RARB: variants seen among roughly 807,000 people sequenced by gnomAD.
RARB encodes HBV-activated protein.
Under a neutral mutation model 51.9 loss-of-function variants are expected in RARB, and 17 were observed. The ratio of observed to expected loss-of-function variants is 0.33; its 90% CI spans 0.22 to 0.49. RARB has a LOEUF of 0.49. RARB is among the 20% of genes least tolerant of loss of function. The pLI is 0.99. For missense variants in RARB, 369 were observed against 550.8 expected, an observed-to-expected ratio of 0.67 and a Z score of 3.30; for synonymous variants, 215 against 195.4, an observed-to-expected ratio of 1.10 and a Z score of -0.84.
At chr3:24,995,159 T>A (rs1404104104) in intron 2 of RARB, among the ~76,000 whole-genome samples, 1 of 152,056 alleles carries the variant, frequency 6.6e-6, no homozygotes, top group African/African-American at 2.4e-5. Flanking sequence ...TCCTCTTCAG[T>A]TTATTTCATC....
intron 2 of RARB, among the ~76,000 whole-genome samples, chr3:24,962,801 T>C (rs1696170604): frequency 6.6e-6 from 1 of 152,244 alleles, no homozygotes; most frequent in African/African-American, 2.4e-5. Flanking sequence ...CTAAATGATA[T>C]AAATGAGTAC....
At chr3:24,942,336 A>T (rs73820332) in intron 2 of RARB, among the ~76,000 whole-genome samples, 3,603 of 152,324 alleles carry the variant, frequency 0.024, 142 homozygotes, top group African/African-American at 0.079. Context: ...TAATTATAAA[A>T]GTATCAAATC....
chr3:25,344,419 A>G (rs1166362837), intron 5 of RARB, among the ~76,000 whole-genome samples: 1 of 152,200 alleles, frequency 6.6e-6, no homozygotes, highest in Non-Finnish European at 1.5e-5. Context: ...TGAGCTAATT[A>G]ACAAAATAAC....
intron 2 of RARB, among the ~76,000 whole-genome samples, chr3:25,496,952 T>C (rs1042425347): frequency 1.3e-5 from 2 of 152,340 alleles, no homozygotes; most frequent in Middle Eastern, 3.4e-3. Context: ...TGGCACAATC[T>C]CAGCTCACTG....
chr3:25,191,538 G>T (rs566818785), intron 5 of RARB, among the ~76,000 whole-genome samples: 9 of 152,100 alleles, frequency 5.9e-5, no homozygotes, highest in African/African-American at 2.4e-5. Flanking sequence ...AAAATGGACA[G>T]CTATGAATTT....
At chr3:24,877,214 ATAGT>A (rs1703063319) in intron 2 of RARB, among the ~76,000 whole-genome samples, 1 of 152,048 alleles carries the variant, frequency 6.6e-6, no homozygotes, top group South Asian at 2.1e-4. Flanking sequence ...TGATTCATAG[ATAGT>A]ATCTCACTTC....
intron 2 of RARB, among the ~76,000 whole-genome samples, chr3:24,916,182 A>C (rs562366197): frequency 9.2e-5 from 14 of 152,332 alleles, no homozygotes; most frequent in Admixed American, 2.0e-4. Flanking sequence ...GCAGTAGGAC[A>C]CAGTGAAAGC....
chr3:25,119,055 T>A (rs1699736938), intron 3 of RARB, among the ~76,000 whole-genome samples: 1 of 152,180 alleles, frequency 6.6e-6, no homozygotes, highest in South Asian at 2.1e-4. Flanking sequence ...TTTACCAATA[T>A]CCCAGGATGT....
intron 2 of RARB, among the ~76,000 whole-genome samples, chr3:25,051,906 T>C (rs1698341216): frequency 6.6e-6 from 1 of 152,164 alleles, no homozygotes; most frequent in African/African-American, 2.4e-5. Flanking sequence ...GAAAAGACTT[T>C]CTCACAAAAG....
intron 2 of RARB, among the ~76,000 whole-genome samples, chr3:25,468,757 C>T (rs1444282984): frequency 6.6e-6 from 1 of 152,176 alleles, no homozygotes; most frequent in African/African-American, 2.4e-5. Context: ...GAAGCGCTTA[C>T]AAGGCAGTCA....
chr3:24,864,525 C>G (rs1311717388), intron 2 of RARB, among the ~76,000 whole-genome samples: 2 of 152,228 alleles, frequency 1.3e-5, no homozygotes, highest in Non-Finnish European at 1.5e-5. Context: ...CCTTCGAGTT[C>G]CAGAACCAGG....
chr3:25,050,553 C>A (rs566240675), intron 2 of RARB, among the ~76,000 whole-genome samples: 59 of 152,304 alleles, frequency 3.9e-4, no homozygotes, highest in African/African-American at 1.4e-3. Context: ...TTTAACACTA[C>A]TCCACCCTTT....
rs1701927165 is a variant in RARB, at chr3:25,597,722, T to TG, written c.*1108dup. 6.6e-6 allele frequency: 1 copy of TG among 152,518 alleles called. No homozygotes were observed. Among genetic ancestry groups the TG allele is most frequent in the South Asian group, 2.1e-4 (1 of 4,826 alleles). 9.4% of individuals were successfully genotyped at this position (152,518 alleles called of 1,614,324 possible). ...AAGCAGAGTGAAAGCTGTGGTAGAG[T>TG]GGTTAACAGATACAAGTGTCAGTTT... is the stretch of plus-strand genomic sequence containing the variant. On this transcript the variant is annotated 3_prime_UTR_variant, in exon 8 of 8. Coordinates refer to ENST00000330688, the MANE Select transcript of RARB (RefSeq NM_000965.5).
At chr3:25,551,672 A>G (rs1699857001) in intron 3 of RARB, among the ~76,000 whole-genome samples, 2 of 152,166 alleles carry the variant, frequency 1.3e-5, no homozygotes. Context: ...TCTCCTGGAT[A>G]TATGTCCTTA....
Position 24,830,657 on chromosome 3 carries a change from A to G in RARB, c.-459+1254A>G, listed in dbSNP as rs899315652. 2.1e-5 allele frequency among the ~76,000 whole-genome samples: 3 copies of G among 142,996 alleles called. No homozygotes were observed. In the South Asian group the frequency reaches 6.9e-4, roughly 33 times the overall value. The allele number at this position is 142,996 out of a possible 152,430, so 93.8% of individuals were successfully genotyped here. ...GACCCTTCCAGGACCAGGCGGCCAG[A>G]GTGTGGGGTGTGTGTGTGTGTGTGT... On this transcript the variant is annotated intron_variant, in intron 1 of 11. Transcript: ENST00000383772.
intron 3 of RARB, among the ~76,000 whole-genome samples, chr3:25,128,201 G>A (rs958785406): frequency 6.6e-6 from 1 of 152,042 alleles, no homozygotes; most frequent in African/African-American, 2.4e-5. Context: ...TACATGTAGT[G>A]TGTGCAATGA....
At chr3:25,014,457 G>A (rs1697466071) in intron 2 of RARB, among the ~76,000 whole-genome samples, 1 of 152,120 alleles carries the variant, frequency 6.6e-6, no homozygotes. Context: ...AGATTTCAGG[G>A]AGGAGAGATG....
chr3:25,374,714 A>G (rs2363597), intron 5 of RARB, among the ~76,000 whole-genome samples: 136,513 of 152,090 alleles, frequency 0.9, 61,499 homozygotes, highest in East Asian at 1. Context: ...TAGATCTAGA[A>G]GGGCAAATGG....
chr3:24,947,355 T>C (rs940218776), intron 2 of RARB, among the ~76,000 whole-genome samples: 1 of 152,228 alleles, frequency 6.6e-6, no homozygotes, highest in African/African-American at 2.4e-5. Flanking sequence ...GATGCACATT[T>C]TATAGCAAAA....
Sources: gnomAD v4.1 joint callset for allele counts (sites outside exome capture counted in the v4.1 genomes callset) on GRCh38, gnomAD v4.1.1 for gene constraint, MANE v1.5 for transcripts, NCBI Gene and HGNC (gene_info 2026-07-23, HGNC 2026-07-21) for gene names.